The following EPAS1 variants were observed in gnomAD, a reference collection of about 807,000 sequenced individuals.
The protein encoded by EPAS1 is endothelial PAS domain protein 1.
In EPAS1, 23 loss-of-function variants were observed where a neutral mutation model predicts 87.9. The ratio of observed to expected loss-of-function variants is 0.26; its 90% CI spans 0.19 to 0.37. The LOEUF is 0.37. Ranked by LOEUF, EPAS1 falls within the 10% of genes least tolerant of loss-of-function variation. The probability of loss-of-function intolerance (pLI) is 1.00; values close to 1 mark genes in which losing one functional copy is unlikely to be tolerated. For synonymous variants in EPAS1, 508 were observed against 444.3 expected (o/e 1.14, Z -1.80); for missense variants, 1,138 against 1,120.7 (o/e 1.02, Z -0.22).
At chr2:46,376,802 G>C (rs775326399) in intron 9 of EPAS1, 49 bp downstream of exon 9, 34 of 1,597,078 alleles carry the variant, frequency 2.1e-5, no homozygotes, top group African/African-American at 2.7e-5. Flanking sequence ...GTTGGGGCTG[G>C]GAAGAGTTCT....
intron 1 of EPAS1, among the ~76,000 whole-genome samples, chr2:46,311,722 C>A (rs1443052423): frequency 6.6e-6 from 1 of 152,080 alleles, no homozygotes; most frequent in Non-Finnish European, 1.5e-5. Flanking sequence ...TGAAAAGTTC[C>A]AACTTTGCCT....
At position 46,380,716 on chromosome 2, in the gene EPAS1, A is replaced by C. The variant is rs1444070865; in HGVS notation, c.2044A>C (p.Arg682=). ...SPPHVSTFKT[R]SAKGFGARGP... ...ACCCCATGTCTCCACCTTCAAGACA[A>C]GGTAAGTGGCAGATACTCAGCTGTA... Residue 682 remains arginine (R), a splice_region_variant and synonymous_variant, in exon 12 of 16, where the codon AGG becomes CGG. Coordinates refer to ENST00000263734, the MANE Select transcript of EPAS1 (RefSeq NM_001430.5). This position sits in a 1 kb window ranked among gnomAD's most constrained non-coding sequence, Gnocchi z 4.4. The C allele has an allele frequency of 1.9e-6, 3 of 1,610,410 alleles. No homozygotes were observed. In the Admixed American group the frequency reaches 5.0e-5, roughly 27 times the overall value.
chr2:46,368,868 G>A (rs1265021005), intron 6 of EPAS1, among the ~76,000 whole-genome samples: 2 of 152,208 alleles, frequency 1.3e-5, no homozygotes, highest in African/African-American at 4.8e-5. Flanking sequence ...TATAGCCTAG[G>A]ATAGGACATG....
chr2:46,307,174 G>A (rs960911581), intron 1 of EPAS1, among the ~76,000 whole-genome samples: 16 of 152,304 alleles, frequency 1.1e-4, no homozygotes, highest in Admixed American at 5.9e-4. Flanking sequence ...GAATGGCAGC[G>A]TTCACTCCAG....
At position 46,378,012 on chromosome 2, in the gene EPAS1, C is replaced by G. The variant is rs753000671; in HGVS notation, c.1368C>G (p.Ala456=). 52 of 1,600,098 alleles carry G rather than the reference C, an allele frequency of 3.2e-5. No individual in the cohort carries two copies. In the South Asian group the frequency reaches 5.4e-4, roughly 17 times the overall value. ...STQSEAGSLP[A]FTVPQAAAPG... ...AGAGCGAGGCTGGGAGCCTGCCTGC[C>G]TTCACCGTGCCCCAGGCAGCTGCCC... is the stretch of plus-strand genomic sequence containing the variant. Residue 456 remains alanine (A), a synonymous_variant, in exon 10 of 16, where the codon GCC becomes GCG. Transcript: ENST00000263734.
chr2:46,331,976 C>T (rs1355172188), intron 1 of EPAS1, among the ~76,000 whole-genome samples: 1 of 152,228 alleles, frequency 6.6e-6, no homozygotes, highest in Non-Finnish European at 1.5e-5. Flanking sequence ...AGTGCTCCTG[C>T]ACTCACCTGC....
At chr2:46,316,959 A>G (rs1683355114) in intron 1 of EPAS1, among the ~76,000 whole-genome samples, 1 of 152,132 alleles carries the variant, frequency 6.6e-6, no homozygotes, top group Non-Finnish European at 1.5e-5. Flanking sequence ...CATCTTTACC[A>G]GGAGCAAATT....
chr2:46,350,252 A>G (rs919565189), intron 2 of EPAS1, among the ~76,000 whole-genome samples: 2 of 152,328 alleles, frequency 1.3e-5, no homozygotes. Flanking sequence ...CAACCCACAC[A>G]TTCATTATTT....
intron 1 of EPAS1, among the ~76,000 whole-genome samples, chr2:46,331,036 T>C (rs1187607329): frequency 6.6e-6 from 1 of 152,246 alleles, no homozygotes; most frequent in Non-Finnish European, 1.5e-5. Flanking sequence ...GTGTAGTATT[T>C]CTTAGGCATG....
At chr2:46,362,329 A>C (rs1301491453) in intron 6 of EPAS1, among the ~76,000 whole-genome samples, 2 of 152,218 alleles carry the variant, frequency 1.3e-5, no homozygotes, top group Admixed American at 6.5e-5. Flanking sequence ...CTGTGCAAGC[A>C]CTTTGAGAAG....
chr2:46,356,684 C>G, intron 3 of EPAS1, 40 bp from the exon 4 acceptor site: 1 of 1,483,668 alleles, frequency 6.7e-7, no homozygotes, highest in Non-Finnish European at 9.4e-7. Flanking sequence ...TTTTACTTCA[C>G]TGTTAGGAAT....
rs1684892290 is a variant in EPAS1, at chr2:46,381,583, T to C, written c.2046-13T>C. On this transcript the variant is annotated splice_polypyrimidine_tract_variant and intron_variant, in intron 12 of 15. Transcript: ENST00000263734. ...CCAGACTCCCTCATAGCCTGCTCTC[T>C]CGGGCTTGGCAGGTCTGCAAAGGGT... 7 of 1,613,924 alleles carry C rather than the reference T, an allele frequency of 4.3e-6. No homozygotes were observed. The East Asian group carries it at 1.3e-4, about 31-fold the overall frequency.
intron 2 of EPAS1, among the ~76,000 whole-genome samples, chr2:46,353,424 C>T (rs1684211028): frequency 6.6e-6 from 1 of 152,268 alleles, no homozygotes; most frequent in South Asian, 2.1e-4. Flanking sequence ...GAGGGCGCCA[C>T]ACTTAGAAAG....
At chr2:46,314,733 G>C (rs918472144) in intron 1 of EPAS1, among the ~76,000 whole-genome samples, 3 of 152,186 alleles carry the variant, frequency 2.0e-5, no homozygotes, top group Admixed American at 2.0e-4. Context: ...ATGATTGGTC[G>C]GGAGCTGGAG....
chr2:46,301,677 C>T (rs925449401), intron 1 of EPAS1, among the ~76,000 whole-genome samples: 3 of 151,644 alleles, frequency 2.0e-5, no homozygotes, highest in Admixed American at 2.0e-4. Context: ...CCTGAAATAT[C>T]TCTAGATAGT....
chr2:46,358,342 A>G (rs1317826887), intron 4 of EPAS1, among the ~76,000 whole-genome samples: 1 of 152,204 alleles, frequency 6.6e-6, no homozygotes, highest in African/African-American at 2.4e-5. Context: ...TAGGCTGCTC[A>G]GTGTCTTGTC....
chr2:46,338,539 C>T (rs1008192851), intron 1 of EPAS1, among the ~76,000 whole-genome samples: 4 of 152,148 alleles, frequency 2.6e-5, no homozygotes, highest in African/African-American at 9.7e-5. Flanking sequence ...TCTATACATC[C>T]CTGCAGTGGA....
intron 1 of EPAS1, 72 bp downstream of exon 1, chr2:46,298,009 C>G (rs1297721328): frequency 1.3e-6 from 2 of 1,576,842 alleles, no homozygotes; most frequent in Non-Finnish European, 1.7e-6. Context: ...CAGGCGCGAC[C>G]GAGAGTGGTT....
rs1172383254 is a variant in EPAS1, at chr2:46,376,567, T to C, written c.1063T>C (p.Ser355Pro). The change falls in exon 9 of 16, where the codon TCC becomes CCC. Residue 355 changes from serine to proline, a missense_variant. This residue lies in a region of EPAS1 where 284 missense variants were observed against 258.4 expected (regional missense o/e 1.10). Transcript: ENST00000263734. ...SEIEKNDVVF[S>P]MDQTESLFKP... ...GATTGAGAAGAATGACGTGGTGTTCTCCATGGACCAGACTGAATCCCTGTT... is the reference window on the plus strand; with the variant it reads ...GATTGAGAAGAATGACGTGGTGTTCCCCATGGACCAGACTGAATCCCTGTT... The C allele has an allele frequency of 6.2e-7, 1 of 1,614,152 alleles. No homozygotes were observed.
Sources: gnomAD v4.1 joint callset for allele counts (sites outside exome capture counted in the v4.1 genomes callset) on GRCh38, gnomAD v4.1.1 for gene constraint, gnomAD v4.1.1 regional missense constraint, Gnocchi (gnomAD v3.1) non-coding constraint, MANE v1.5 for transcripts, NCBI Gene and HGNC (gene_info 2026-07-23, HGNC 2026-07-21) for gene names.